HOXA13: variants seen among roughly 807,000 people sequenced by gnomAD.
HOXA13 encodes the protein homeobox A13.
HOXA13 carries 5 observed loss-of-function variants against 25.7 expected under a neutral mutation model. The observed-to-expected ratio is 0.19, with a 90% CI of 0.10 to 0.41. The LOEUF (loss-of-function observed/expected upper bound fraction) is 0.41, where lower values mean the gene tolerates loss of function less well. Ranked by LOEUF, HOXA13 falls within the 10% of genes least tolerant of loss-of-function variation. The probability of loss-of-function intolerance (pLI) is 1.00; values close to 1 mark genes in which losing one functional copy is unlikely to be tolerated. For synonymous variants in HOXA13, 284 were observed against 241.1 expected (o/e 1.18, Z -1.65); for missense variants, 557 against 533.5 (o/e 1.04, Z -0.43).
rs1332603170 is a variant in HOXA13 at position 27,199,660 on chromosome 7, C to A, written c.418G>T (p.Gly140Cys). Residue 140 changes from glycine (G) to cysteine (C), a missense_variant, in exon 1 of 2, where the codon GGC (glycine) becomes TGC (cysteine). Coordinates refer to ENST00000649031, the MANE Select transcript of HOXA13 (RefSeq NM_000522.5). ...AAAASSSGGP[G>C]PAGPAGAEAA... is the part of the protein sequence containing the mutation. ...TCTGCGCCCGCCGGGCCCGCCGGGC[C>A]GGGACCTCCCGAGGACGACGCGGCG... 64 of 1,239,458 alleles carry A rather than the reference C, an allele frequency of 5.2e-5. No individual in the cohort carries two copies. The highest frequency in any genetic ancestry group is 5.7e-5 in the Non-Finnish European group (57 of 995,692). The allele number at this position is 1,239,458 out of a possible 1,614,324, so 76.8% of individuals were successfully genotyped here. A position where few individuals can be genotyped will look rare whatever the true frequency, so the allele number is the denominator to read the frequency against.
rs543293751 is a variant in HOXA13, at chr7:27,196,750, G to T, written c.*1448C>A. ...ATTTCTCCCTTTTCTTAAAAATTTG[G>T]TAGCAAAAGAAGTACTGAATAATAA... On this transcript the variant is annotated 3_prime_UTR_variant, in exon 2 of 2. Transcript: ENST00000649031. The T allele has an allele frequency of 6.2e-6, 1 of 160,768 alleles. No homozygotes were observed. Among genetic ancestry groups the T allele is most frequent in the South Asian group, 2.0e-4 (1 of 4,892 alleles). The allele number at this position is 160,768 out of a possible 1,614,324, so 10.0% of individuals were successfully genotyped here.
intron 1 of HOXA13, chr7:27,198,723 C>G (rs1456888149): frequency 7.2e-6 from 4 of 556,032 alleles, no homozygotes; most frequent in Non-Finnish European, 1.3e-5. Context: ...ACGGCCCACA[C>G]CTTAGCGCCA....
Position 27,199,931 on chromosome 7 carries a change from C to T in HOXA13, c.147G>A (p.Ala49=), listed in dbSNP as rs35042646. 0.022 allele frequency: 27,652 copies of T among 1,249,328 alleles called. 378 individuals carry two copies. Among genetic ancestry groups the T allele is most frequent in the African/African-American group, 0.024 (1,497 of 63,254 alleles). The allele number at this position is 1,249,328 out of a possible 1,614,324, so 77.4% of individuals were successfully genotyped here. ...AAAAAAAAAA[A]AAGAGGGGFP... ...AGCCCCCGCCCCCGGCCCCGGCAGC[C>T]GCCGCCGCTGCAGCCGCTGCTGCAG... is the stretch of plus-strand genomic sequence containing the variant. The change falls in exon 1 of 2, where the codon GCG becomes GCA. Residue 49 remains alanine, a synonymous_variant. Coordinates refer to ENST00000649031, the MANE Select transcript of HOXA13 (RefSeq NM_000522.5).
intron 1 of HOXA13, 93 bp from the exon 2 acceptor site, chr7:27,198,535 C>G: frequency 2.0e-6 from 3 of 1,515,002 alleles, no homozygotes; most frequent in Non-Finnish European, 9.1e-7. Context: ...CCTTGCAGCG[C>G]CCGGCTGCTC....
chr7:27,198,791 C>G (rs1784041919), intron 1 of HOXA13: 1 of 491,118 alleles, frequency 2.0e-6, no homozygotes, highest in East Asian at 3.6e-5. Context: ...TCCCAATACT[C>G]GAAGCTTCTA....
At position 27,196,430 on chromosome 7, in the gene HOXA13, T is replaced by C; in HGVS notation, c.*1768A>G. 1 of 152,310 alleles carries C rather than the reference T, an allele frequency of 6.6e-6. No individual in the cohort carries two copies. The highest frequency in any genetic ancestry group is 1.9e-4 in the East Asian group (1 of 5,174). 9.4% of individuals were successfully genotyped at this position (152,310 alleles called of 1,614,324 possible). On this transcript the variant is annotated 3_prime_UTR_variant, in exon 2 of 2. Coordinates refer to ENST00000649031, the MANE Select transcript of HOXA13 (RefSeq NM_000522.5). Reference sequence around the variant, plus strand: ...AGGCCAATTCATGAGCTGTCAAAAGTCAAGGTCACAAATTGTCTTTTTTTT... The same window carrying C: ...AGGCCAATTCATGAGCTGTCAAAAGCCAAGGTCACAAATTGTCTTTTTTTT...
rs571223692 is a variant in HOXA13 at position 27,195,534 on chromosome 7, G to A, written c.*2664C>T. 3 of 152,276 alleles carry A rather than the reference G, an allele frequency of 2.0e-5. No homozygotes were observed. Among genetic ancestry groups the A allele is most frequent in the Non-Finnish European group, 2.9e-5 (2 of 68,028 alleles). 9.4% of individuals were successfully genotyped at this position (152,276 alleles called of 1,614,324 possible). ...ATGACTCTGAATACAGCACCTGATT[G>A]TTGTTAGAGGTCAACAGTAGATATA... On this transcript the variant is annotated 3_prime_UTR_variant, in exon 2 of 2. Coordinates refer to ENST00000649031, the MANE Select transcript of HOXA13 (RefSeq NM_000522.5).
In HOXA13 at chr7:27,199,679, C is replaced by CGCGGCGGCG. The variant is rs955237055; in HGVS notation, c.390_398dup (p.Ala131_Ala133dup). On this transcript the variant is annotated inframe_insertion, in exon 1 of 2. Coordinates refer to ENST00000649031, the MANE Select transcript of HOXA13 (RefSeq NM_000522.5). ...CCGGGCCGGGACCTCCCGAGGACGA[C>CGCGGCGGCG]GCGGCGGCGGCGGCGGCGGCTGCAG... 9.5e-6 allele frequency: 11 copies of CGCGGCGGCG among 1,160,778 alleles called. No individual in the cohort carries two copies. The highest frequency in any genetic ancestry group is 3.4e-5 in the African/African-American group (2 of 59,680). The allele number at this position is 1,160,778 out of a possible 1,614,324, so 71.9% of individuals were successfully genotyped here. A position where few individuals can be genotyped will look rare whatever the true frequency, so the allele number is the denominator to read the frequency against.
chr7:27,200,048 G>T lies in HOXA13; in HGVS notation c.30C>A (p.Arg10=), dbSNP rs1225782285. 1.4e-6 allele frequency: 2 copies of T among 1,480,688 alleles called. No homozygotes were observed. The highest frequency in any genetic ancestry group is 1.9e-5 in the Admixed American group (1 of 52,530). The allele number at this position is 1,480,688 out of a possible 1,614,324, so 91.7% of individuals were successfully genotyped here. A position where few individuals can be genotyped will look rare whatever the true frequency, so the allele number is the denominator to read the frequency against. The part of the protein sequence containing the change: MTASVLLHP[R]WIEPTVMFLY... ...GAAACATGACGGTGGGCTCGATCCA[G>T]CGGGGGTGGAGGAGCACGGAGGCTG... Residue 10 remains arginine (R), a synonymous_variant, in exon 1 of 2, where the codon CGC becomes CGA. Transcript: ENST00000649031.
chr7:27,199,092 T>G, intron 1 of HOXA13, 64 bp downstream of exon 1: 1 of 1,507,646 alleles, frequency 6.6e-7, no homozygotes. Flanking sequence ...ATCGCCCGGG[T>G]GCGAGCGGAG....
Position 27,196,099 on chromosome 7 carries a change from A to C in HOXA13, c.*2099T>G, listed in dbSNP as rs888602399. Reference sequence around the variant, plus strand: ...TACCTCAATTCTAGAAATCACCTTAAATTACAATATCTTGCGTCATTAGCA... The same window carrying C: ...TACCTCAATTCTAGAAATCACCTTACATTACAATATCTTGCGTCATTAGCA... On this transcript the variant is annotated 3_prime_UTR_variant, in exon 2 of 2. Coordinates refer to ENST00000649031, the MANE Select transcript of HOXA13 (RefSeq NM_000522.5). 2.0e-5 allele frequency: 3 copies of C among 152,254 alleles called. No homozygotes were observed. Among genetic ancestry groups the C allele is most frequent in the Non-Finnish European group, 4.4e-5 (3 of 68,044 alleles). The allele number at this position is 152,254 out of a possible 1,614,324, so 9.4% of individuals were successfully genotyped here.
Position 27,198,177 on chromosome 7 carries a change from T to G in HOXA13, c.*21A>C, listed in dbSNP as rs746043394. 2.5e-6 allele frequency: 4 copies of G among 1,613,920 alleles called. No homozygotes were observed. In the South Asian group the frequency reaches 4.4e-5, roughly 18 times the overall value. The stretch of plus-strand genomic sequence containing the variant: ...TCTGAAGCGTTTCTTCAAGTTGCCT[T>G]CTTGCTCTATTTTTAATCCATTAAC... On this transcript the variant is annotated 3_prime_UTR_variant, in exon 2 of 2. Transcript: ENST00000649031.
rs911619869 is a variant in HOXA13 at position 27,196,237 on chromosome 7, A to G, written c.*1961T>C. 6.6e-6 allele frequency: 1 copy of G among 152,248 alleles called. No homozygotes were observed. The highest frequency in any genetic ancestry group is 1.5e-5 in the Non-Finnish European group (1 of 68,040). 9.4% of individuals were successfully genotyped at this position (152,248 alleles called of 1,614,324 possible). A position where few individuals can be genotyped will look rare whatever the true frequency, so the allele number is the denominator to read the frequency against. On this transcript the variant is annotated 3_prime_UTR_variant, in exon 2 of 2. Transcript: ENST00000649031. ...ATATTATATATATTTACATATATACAGGGACATGTATAATTTACATATATT... is the reference window on the plus strand; with the variant it reads ...ATATTATATATATTTACATATATACGGGGACATGTATAATTTACATATATT...
Position 27,198,440 on chromosome 7 carries a change from C to A in HOXA13, c.925G>T (p.Val309Leu), listed in dbSNP as rs1370696732. Residue 309 changes from valine (V) to leucine (L), a missense_variant and splice_region_variant, in exon 2 of 2, where the codon GTG (valine) becomes TTG (leucine). Val to Leu is a conservative substitution (Grantham distance 32). Transcript: ENST00000649031. ...PHLWKSTLPD[V>L]VSHPSDASSY... ...CTGGCATCCGAGGGATGGGAGACCA[C>A]GTCTAGAAGACAAGGGAGAAGGCAA... 1.2e-6 allele frequency: 2 copies of A among 1,613,784 alleles called. No homozygotes were observed. Among genetic ancestry groups the A allele is most frequent in the Admixed American group, 1.7e-5 (1 of 60,022 alleles).
rs753166426 is a variant in HOXA13, at chr7:27,198,153, C to T, written c.*45G>A. ...CATTATCTGGGCAAAGCAACGAGTT[C>T]TGAAGCGTTTCTTCAAGTTGCCTTC... On this transcript the variant is annotated 3_prime_UTR_variant, in exon 2 of 2. Transcript: ENST00000649031. The T allele has an allele frequency of 6.2e-7, 1 of 1,606,598 alleles. No homozygotes were observed. The highest frequency in any genetic ancestry group is 1.1e-5 in the South Asian group (1 of 90,768).
At position 27,197,978 on chromosome 7, in the gene HOXA13, G is replaced by T; in HGVS notation, c.*220C>A. ...TTTAACGGGCTGGGCTGATGGGGTT[G>T]GCGGAAGAACTGGCAGTCTTTACCT... is the stretch of plus-strand genomic sequence containing the variant. On this transcript the variant is annotated 3_prime_UTR_variant, in exon 2 of 2. Coordinates refer to ENST00000649031, the MANE Select transcript of HOXA13 (RefSeq NM_000522.5). The T allele has an allele frequency of 1.7e-6, 1 of 594,902 alleles. No individual in the cohort carries two copies. Among genetic ancestry groups the T allele is most frequent in the Non-Finnish European group, 2.9e-6 (1 of 339,756 alleles). The allele number at this position is 594,902 out of a possible 1,614,324, so 36.9% of individuals were successfully genotyped here.
At position 27,199,206 on chromosome 7, in the gene HOXA13, C is replaced by A. The variant is rs1304497031; in HGVS notation, c.872G>T (p.Cys291Phe). ...GGGAGGCTGCGCCTGCTCTTTGGGGCAGTACATTTGGCCGTTCCAGCCGTT... is the reference window on the plus strand; with the variant it reads ...GGGAGGCTGCGCCTGCTCTTTGGGGAAGTACATTTGGCCGTTCCAGCCGTT... ...LPNGWNGQMY[C>F]PKEQAQPPHL... The change falls in exon 1 of 2, where the codon TGC (cysteine) becomes TTC (phenylalanine). Residue 291 changes from cysteine to phenylalanine, a missense_variant. Transcript: ENST00000649031. 6.2e-7 allele frequency: 1 copy of A among 1,613,422 alleles called. No homozygotes were observed. The highest frequency in any genetic ancestry group is 1.1e-5 in the South Asian group (1 of 91,052).
chr7:27,196,938 G>GTT lies in HOXA13; in HGVS notation c.*1258_*1259dup, dbSNP rs60250869. 1 of 180,892 alleles carries GTT rather than the reference G, an allele frequency of 5.5e-6. No individual in the cohort carries two copies. Among genetic ancestry groups the GTT allele is most frequent in the Non-Finnish European group, 1.2e-5 (1 of 84,878 alleles). The allele number at this position is 180,892 out of a possible 1,614,324, so 11.2% of individuals were successfully genotyped here. A position where few individuals can be genotyped will look rare whatever the true frequency, so the allele number is the denominator to read the frequency against. Reference sequence around the variant, plus strand: ...GATATCACTATCTACAGGTCTAAGGGTTTTTTTTTTTCATTTTTAGTAGAA... The same window carrying GTT: ...GATATCACTATCTACAGGTCTAAGGGTTTTTTTTTTTTTCATTTTTAGTAGAA... On this transcript the variant is annotated 3_prime_UTR_variant, in exon 2 of 2. Coordinates refer to ENST00000649031, the MANE Select transcript of HOXA13 (RefSeq NM_000522.5).
In HOXA13 at chr7:27,199,682, G is replaced by T; in HGVS notation, c.396C>A (p.Ala132=). ...AAAAAAAAAA[A]ASSSGGPGPA... ...GGCCGGGACCTCCCGAGGACGACGC[G>T]GCGGCGGCGGCGGCGGCTGCAGCGG... The change falls in exon 1 of 2, where the codon GCC becomes GCA. Residue 132 remains alanine (A), a synonymous_variant. Coordinates refer to ENST00000649031, the MANE Select transcript of HOXA13 (RefSeq NM_000522.5). The T allele has an allele frequency of 9.0e-7, 1 of 1,105,768 alleles. No individual in the cohort carries two copies. The highest frequency in any genetic ancestry group is 1.1e-6 in the Non-Finnish European group (1 of 905,470). The allele number at this position is 1,105,768 out of a possible 1,614,324, so 68.5% of individuals were successfully genotyped here.
Sources: allele counts gnomAD v4.1 joint callset, GRCh38; gene constraint gnomAD v4.1.1; transcripts MANE v1.5; gene names NCBI Gene and HGNC (gene_info 2026-07-23, HGNC 2026-07-21).